Variants in TMEM161B observed in about 807,000 individuals in gnomAD.
The protein encoded by TMEM161B is transmembrane protein 161B.
Under a neutral mutation model 61.8 loss-of-function variants are expected in TMEM161B, and 34 were observed. The observed-to-expected ratio is 0.55, with a 90% CI of 0.42 to 0.73. TMEM161B has a LOEUF of 0.73. Ranked by LOEUF, TMEM161B falls within the 30% of genes least tolerant of loss-of-function variation. The probability of loss-of-function intolerance (pLI) is 0.00; values close to 1 mark genes in which losing one functional copy is unlikely to be tolerated. For synonymous variants in TMEM161B, 167 were observed against 192.8 expected (o/e 0.87, Z 1.11); for missense variants, 456 against 558.5 (o/e 0.82, Z 1.85).
At chr5:88,243,563 G>C (rs1753097067) in intron 1 of TMEM161B, among the ~76,000 whole-genome samples, 2 of 151,852 alleles carry the variant, frequency 1.3e-5, no homozygotes, top group Non-Finnish European at 2.9e-5. Context: ...ACATACACAT[G>C]CATGTGTGTT....
chr5:88,226,952 T>A (rs551883670), intron 3 of TMEM161B, among the ~76,000 whole-genome samples: 10 of 152,122 alleles, frequency 6.6e-5, no homozygotes, highest in African/African-American at 2.4e-4. Flanking sequence ...GGAGACCCTG[T>A]CTCTACAAAT....
intron 8 of TMEM161B, among the ~76,000 whole-genome samples, chr5:88,205,505 A>C (rs1745285608): frequency 1.3e-5 from 2 of 152,078 alleles, no homozygotes; most frequent in Admixed American, 1.3e-4. Flanking sequence ...GGAAATTTCT[A>C]TGGATCCTCA....
intron 4 of TMEM161B, among the ~76,000 whole-genome samples, chr5:88,223,373 CATT>C: frequency 6.6e-6 from 1 of 151,972 alleles, no homozygotes; most frequent in Middle Eastern, 3.4e-3. Flanking sequence ...ATTCAATAAA[CATT>C]ATTAGTAAAA....
At chr5:88,214,816 A>T (rs1305304865) in intron 5 of TMEM161B, among the ~76,000 whole-genome samples, 1 of 152,202 alleles carries the variant, frequency 6.6e-6, no homozygotes, top group African/African-American at 2.4e-5. Flanking sequence ...GCTGAGAATT[A>T]GTTTGGGTTT....
In TMEM161B at chr5:88,205,949, G is replaced by A; in HGVS notation, c.665C>T (p.Pro222Leu). Residue 222 changes from proline (P) to leucine (L), a missense_variant, in exon 8 of 12, where the codon CCT becomes CTT. Physicochemically the swap from Pro to Leu is moderately conservative, Grantham distance 98. Transcript: ENST00000296595. ...AAATTTGAAAGTAAGTTTTGAAACA[G>A]GACTCCTAAAAATAAAATTTTTTAA... is the stretch of plus-strand genomic sequence containing the variant. The part of the protein sequence containing the change: ...LEKQGLESQS[P>L]VSKLTFKFFL... 6.3e-7 allele frequency: 1 copy of A among 1,591,540 alleles called. No individual in the cohort carries two copies. The highest frequency in any genetic ancestry group is 8.5e-7 in the Non-Finnish European group (1 of 1,171,248).
chr5:88,191,310 T>C (rs1344161467), downstream of TMEM161B, among the ~76,000 whole-genome samples: 2 of 152,190 alleles, frequency 1.3e-5, no homozygotes, highest in Admixed American at 6.5e-5. Flanking sequence ...GGACACCAGC[T>C]CAACAACAAT....
chr5:88,226,709 A>C (rs1287764971), intron 3 of TMEM161B, among the ~76,000 whole-genome samples: 1 of 152,226 alleles, frequency 6.6e-6, no homozygotes, highest in Non-Finnish European at 1.5e-5. Context: ...CCAAACAATA[A>C]TTCTTGTTAC....
At chr5:88,197,805 C>T in intron 10 of TMEM161B, 40 bp from the exon 11 acceptor site, 1 of 1,542,656 alleles carries the variant, frequency 6.5e-7, no homozygotes, top group Non-Finnish European at 8.9e-7. Context: ...ATGCAACTGA[C>T]ATGTTAGGAG....
At chr5:88,198,809 A>C in intron 10 of TMEM161B, 167 bp downstream of exon 10, 1 of 652,684 alleles carries the variant, frequency 1.5e-6, no homozygotes, top group Non-Finnish European at 2.5e-6. Context: ...CTTGGCACCA[A>C]AATCAGATCA....
At chr5:88,263,837 A>T (rs1332658532) in intron 1 of TMEM161B, among the ~76,000 whole-genome samples, 2 of 152,244 alleles carry the variant, frequency 1.3e-5, no homozygotes, top group Middle Eastern at 3.2e-3. Context: ...ATTAACCAAG[A>T]GAAAAGTCAG....
At chr5:88,218,276 T>C (rs958528099) in intron 5 of TMEM161B, among the ~76,000 whole-genome samples, 16 of 152,210 alleles carry the variant, frequency 1.1e-4, no homozygotes, top group African/African-American at 3.9e-4. Context: ...CAGATGAGAT[T>C]CGGTGTGTCC....
intron 1 of TMEM161B, among the ~76,000 whole-genome samples, chr5:88,249,777 C>G (rs1754087827): frequency 6.6e-6 from 1 of 152,144 alleles, no homozygotes; most frequent in South Asian, 2.1e-4. Flanking sequence ...TGGCCTTTCT[C>G]AGACTTCCAG....
In TMEM161B at chr5:88,197,741, A is replaced by G. The variant is rs1377331560; in HGVS notation, c.1114T>C (p.Cys372Arg). The G allele has an allele frequency of 6.2e-7, 1 of 1,612,556 alleles. No individual in the cohort carries two copies. The highest frequency in any genetic ancestry group is 1.3e-5 in the African/African-American group (1 of 74,846). Residue 372 changes from cysteine (C) to arginine (R), a missense_variant, in exon 11 of 12, where the codon TGT becomes CGT. By Grantham distance (180) the Cys-to-Arg change is radical (BLOSUM62 -3). Around this residue, in one of 3 missense-constraint regions of TMEM161B, gnomAD observed 367 missense variants for 427.3 expected, o/e 0.86. Coordinates refer to ENST00000296595, the MANE Select transcript of TMEM161B (RefSeq NM_153354.5). ...KMVARVFYYLCVIALQYVAPL... is the reference protein window; with the variant it reads ...KMVARVFYYLRVIALQYVAPL... ...GCCACATACTGCAGTGCAATGACAC[A>G]AAGATAATAAAAGACTCGAGCCACC...
rs190931826 is a variant in TMEM161B at position 88,237,448 on chromosome 5, G to C, written c.107+3365C>G. On this transcript the variant is annotated intron_variant, in intron 2 of 11. Transcript: ENST00000296595. ...GAAGGATAGCTCAGAGGATAGCTGA[G>C]CCCTTGAGTCATCATTTTGTGAGGG... Among the ~76,000 whole-genome samples, 9 of 152,216 alleles carry C rather than the reference G, an allele frequency of 5.9e-5. No individual in the cohort carries two copies. The East Asian group carries it at 1.7e-3, about 29-fold the overall frequency.
At chr5:88,210,578 A>C (rs1746511644) in intron 5 of TMEM161B, among the ~76,000 whole-genome samples, 1 of 152,198 alleles carries the variant, frequency 6.6e-6, no homozygotes, top group Admixed American at 6.5e-5. Flanking sequence ...AGAAGAGTTT[A>C]GATTTAGTCA....
intron 9 of TMEM161B, chr5:88,202,103 G>C (rs773629183): frequency 2.2e-6 from 1 of 453,256 alleles, no homozygotes; most frequent in South Asian, 1.6e-5. Context: ...TTGTGAGTTA[G>C]ATACTATTAT....
intron 1 of TMEM161B, among the ~76,000 whole-genome samples, chr5:88,258,962 C>T (rs1199190402): frequency 1.3e-5 from 2 of 152,298 alleles, no homozygotes; most frequent in Admixed American, 6.5e-5. Flanking sequence ...CATAGCCTTA[C>T]AGTATCAAGT....
intron 1 of TMEM161B, among the ~76,000 whole-genome samples, chr5:88,256,054 G>C (rs1486870736): frequency 2.0e-5 from 3 of 152,050 alleles, no homozygotes; most frequent in Non-Finnish European, 4.4e-5. Flanking sequence ...AAGGCAAATG[G>C]AAGACCAACA....
intron 1 of TMEM161B, among the ~76,000 whole-genome samples, chr5:88,253,496 G>A (rs1333853701): frequency 6.6e-6 from 1 of 152,120 alleles, no homozygotes; most frequent in Non-Finnish European, 1.5e-5. Flanking sequence ...AGAAGGTCAG[G>A]CAGTTATACC....
Sources: allele counts gnomAD v4.1 joint callset (sites outside exome capture counted in the v4.1 genomes callset), GRCh38; gene constraint gnomAD v4.1.1; regional missense constraint gnomAD v4.1.1; transcripts MANE v1.5; gene names NCBI Gene and HGNC (gene_info 2026-07-23, HGNC 2026-07-21).